LMO7: variants seen among roughly 807,000 people sequenced by gnomAD.
The protein encoded by LMO7 is LIM domain only protein 7.
In LMO7, 120 loss-of-function variants were observed where a neutral mutation model predicts 206.5. That is an observed-to-expected ratio of 0.58 (90% CI 0.50 to 0.68). The LOEUF (loss-of-function observed/expected upper bound fraction) is 0.68, where lower values mean the gene tolerates loss of function less well. Ranked by LOEUF, LMO7 falls within the 30% of genes least tolerant of loss-of-function variation. LMO7 has a pLI of 0.00. For synonymous variants in LMO7, 706 were observed against 681.5 expected (o/e 1.04, Z -0.56); for missense variants, 1,959 against 1,957.9 (o/e 1.00, Z -0.01).
At chr13:75,749,984 C>G (rs1452366777) in intron 3 of LMO7, among the ~76,000 whole-genome samples, 5 of 151,678 alleles carry the variant, frequency 3.3e-5, no homozygotes, top group Non-Finnish European at 7.4e-5. Flanking sequence ...TGTTACTTGG[C>G]AGAATAAGTT....
chr13:75,728,545 G>A (rs1467671111), intron 3 of LMO7, among the ~76,000 whole-genome samples: 1 of 142,874 alleles, frequency 7.0e-6, no homozygotes, highest in Non-Finnish European at 1.5e-5. Context: ...AGATGAGTAG[G>A]TTGTGAAAAT....
intron 3 of LMO7, among the ~76,000 whole-genome samples, chr13:75,743,197 A>G (rs916900827): frequency 1.3e-5 from 2 of 152,222 alleles, no homozygotes; most frequent in Non-Finnish European, 2.9e-5. Flanking sequence ...CAGAATGGCT[A>G]TTACTAAAAA....
intron 15 of LMO7, 69 bp from the exon 16 acceptor site, chr13:75,832,982 C>G: frequency 1.2e-6 from 1 of 827,346 alleles, no homozygotes; most frequent in Non-Finnish European, 2.1e-6. Flanking sequence ...TCCCTCCTTT[C>G]ATGGATAGAC....
rs527914100 is a variant in LMO7, at chr13:75,626,052, C to G, written c.225+2732C>G. On this transcript the variant is annotated intron_variant, in intron 2 of 29. Coordinates refer to the LMO7 transcript ENST00000341547. ...GTGAGGTTCGCTTAAGATCACTGGG[C>G]TCTTACAATGGAGGCCCAGATTAAC... Among the ~76,000 whole-genome samples the G allele has an allele frequency of 7.9e-5, 12 of 152,284 alleles. No homozygotes were observed. In the South Asian group the frequency reaches 2.5e-3, roughly 32 times the overall value.
chr13:75,841,542 C>T, intron 23 of LMO7, 86 bp from the exon 24 acceptor site: 3 of 945,286 alleles, frequency 3.2e-6, no homozygotes, highest in Non-Finnish European at 3.2e-6. Context: ...TAGTTAGTAG[C>T]ATCTAAAACT....
chr13:75,757,406 G>T (rs2047759753), intron 3 of LMO7, among the ~76,000 whole-genome samples: 2 of 152,084 alleles, frequency 1.3e-5, no homozygotes, highest in African/African-American at 2.4e-5. Context: ...TGCTTAATTT[G>T]GGGATAATGT....
At chr13:75,823,528 C>A in intron 14 of LMO7, 37 bp from the exon 15 acceptor site, 2 of 1,455,420 alleles carry the variant, frequency 1.4e-6, no homozygotes, top group Non-Finnish European at 1.9e-6. Context: ...ATAAAGGTAA[C>A]AGAATATCAA....
chr13:75,837,280 T>C (rs1254546674), intron 19 of LMO7, among the ~76,000 whole-genome samples: 1 of 152,222 alleles, frequency 6.6e-6, no homozygotes, highest in Non-Finnish European at 1.5e-5. Flanking sequence ...TTGTTTTCAG[T>C]TGCATTCTTT....
intron 2 of LMO7, among the ~76,000 whole-genome samples, chr13:75,719,083 G>C (rs943446106): frequency 1.3e-5 from 2 of 151,454 alleles, no homozygotes; most frequent in Non-Finnish European, 2.9e-5. Flanking sequence ...GGGTTCAAGC[G>C]ATTCTCCTGC....
intron 2 of LMO7, among the ~76,000 whole-genome samples, chr13:75,624,509 A>G (rs914293425): frequency 6.6e-6 from 1 of 152,190 alleles, no homozygotes; most frequent in Non-Finnish European, 1.5e-5. Context: ...TTAGAACTTC[A>G]TGTTCAGAGA....
chr13:75,833,993 G>A (rs34959967), intron 16 of LMO7, among the ~76,000 whole-genome samples: 1 of 151,892 alleles, frequency 6.6e-6, no homozygotes, highest in African/African-American at 2.4e-5. Flanking sequence ...GAATAGATGA[G>A]TTTATCATTT....
At chr13:75,697,470 A>G (rs1337332157) in intron 1 of LMO7, among the ~76,000 whole-genome samples, 1 of 152,194 alleles carries the variant, frequency 6.6e-6, no homozygotes, top group Non-Finnish European at 1.5e-5. Context: ...ATCAGATCTC[A>G]TGAGACTTAT....
chr13:75,719,471 A>G (rs1192327647), intron 2 of LMO7, among the ~76,000 whole-genome samples: 5 of 152,052 alleles, frequency 3.3e-5, no homozygotes, highest in Non-Finnish European at 2.9e-5. Context: ...TGTAATTCCC[A>G]GTGTTGGGGG....
At chr13:75,636,194 C>G (rs1490551839), upstream of LMO7, 1 of 666,208 alleles carries the variant, frequency 1.5e-6, no homozygotes, top group Non-Finnish European at 1.8e-6. Flanking sequence ...CAGAGGCGGC[C>G]GCGGCCGGGA....
At position 75,833,180 on chromosome 13, in the gene LMO7, T is replaced by C. The variant is rs376615084; in HGVS notation, c.3064+15T>C. The C allele has an allele frequency of 5.8e-6, 8 of 1,369,870 alleles. No homozygotes were observed. Among genetic ancestry groups the C allele is most frequent in the Non-Finnish European group, 8.4e-6 (8 of 957,080 alleles). 84.9% of individuals were successfully genotyped at this position (1,369,870 alleles called of 1,614,324 possible). A position where few individuals can be genotyped will look rare whatever the true frequency, so the allele number is the denominator to read the frequency against. ...AGTTGAAGCAGGTAAATTATGTGTTTAGCTCTACTGAATTTTCTTCTCCTT... is the reference window on the plus strand; with the variant it reads ...AGTTGAAGCAGGTAAATTATGTGTTCAGCTCTACTGAATTTTCTTCTCCTT... On this transcript the variant is annotated intron_variant, in intron 16 of 30. Transcript: ENST00000377534.
At chr13:75,854,214 C>T (rs2060734297) in intron 28 of LMO7, among the ~76,000 whole-genome samples, 1 of 152,142 alleles carries the variant, frequency 6.6e-6, no homozygotes, top group Admixed American at 6.5e-5. Flanking sequence ...AAATGGAATA[C>T]TTCAAAGTAG....
chr13:75,688,249 C>T (rs150985744), intron 1 of LMO7, among the ~76,000 whole-genome samples: 1 of 152,122 alleles, frequency 6.6e-6, no homozygotes, highest in Admixed American at 6.5e-5. Flanking sequence ...AATGGCTATG[C>T]TGAACCCACA....
intron 4 of LMO7, among the ~76,000 whole-genome samples, chr13:75,780,468 A>G (rs765689904): frequency 3.3e-5 from 5 of 152,192 alleles, no homozygotes; most frequent in Non-Finnish European, 5.9e-5. Context: ...CCCTGCAGGC[A>G]GTCAGACTTT....
At chr13:75,755,408 T>G (rs2047607201) in intron 3 of LMO7, among the ~76,000 whole-genome samples, 1 of 152,150 alleles carries the variant, frequency 6.6e-6, no homozygotes, top group African/African-American at 2.4e-5. Context: ...GCTATTCTCT[T>G]CTGCTTTTCT....
Sources: allele counts gnomAD v4.1 joint callset (sites outside exome capture counted in the v4.1 genomes callset), GRCh38; gene constraint gnomAD v4.1.1; transcripts MANE v1.5; gene names NCBI Gene and HGNC (gene_info 2026-07-23, HGNC 2026-07-21).